EVL: variants seen among roughly 807,000 people sequenced by gnomAD.
EVL encodes the protein ena/VASP-like protein.
In EVL, 21 loss-of-function variants were observed where a neutral mutation model predicts 59.6. The observed-to-expected ratio is 0.35, with a 90% CI of 0.25 to 0.51. The LOEUF is 0.51. Ranked by LOEUF, EVL falls within the 20% of genes least tolerant of loss-of-function variation. The pLI is 0.97. For synonymous variants in EVL, 198 were observed against 203.5 expected, an observed-to-expected ratio of 0.97 and a Z score of 0.23; for missense variants, 462 against 546.6, an observed-to-expected ratio of 0.85 and a Z score of 1.54.
At chr14:100,089,621 G>C (rs1403758989) in intron 2 of EVL, among the ~76,000 whole-genome samples, 1 of 152,222 alleles carries the variant, frequency 6.6e-6, no homozygotes, top group Non-Finnish European at 1.5e-5. Context: ...GTGGGACGCA[G>C]CTAGAACAGT....
intron 1 of EVL, among the ~76,000 whole-genome samples, chr14:100,016,835 G>T (rs912458510): frequency 6.6e-6 from 1 of 152,180 alleles, no homozygotes; most frequent in African/African-American, 2.4e-5. Context: ...TCCTGGAACA[G>T]TTGAGGCACT....
In EVL at chr14:100,134,054, G is replaced by A. The variant is rs753527986; in HGVS notation, c.900+1275G>A. ...CTCCCGAGGCCCTCTGCACAGGCAC[G>A]ACTGCTTGTGGAGACTCGTTGTCTC... On this transcript the variant is annotated intron_variant, in intron 8 of 13. Transcript: ENST00000392920. 3.9e-5 allele frequency among the ~76,000 whole-genome samples: 6 copies of A among 152,198 alleles called. No individual in the cohort carries two copies. In the East Asian group the frequency reaches 5.8e-4, roughly 15 times the overall value.
chr14:100,097,604 A>G lies in EVL; in HGVS notation c.304A>G (p.Thr102Ala), dbSNP rs778850212. ...CTTTGCAAGTAAAGAAGAGGCAACC[A>G]CGTTCTCCAATGCAATGCTGTTTGC... The part of the protein sequence containing the change: ...LNFASKEEAT[T>A]FSNAMLFALN... The change falls in exon 3 of 14, where the codon ACG becomes GCG. Residue 102 changes from threonine (T) to alanine (A), a missense_variant. Thr to Ala is a moderately conservative substitution (Grantham distance 58, BLOSUM62 0). Coordinates refer to ENST00000392920, the MANE Select transcript of EVL (RefSeq NM_016337.3). 4 of 1,614,132 alleles carry G rather than the reference A, an allele frequency of 2.5e-6. No homozygotes were observed. Among genetic ancestry groups the G allele is most frequent in the East Asian group, 2.2e-5 (1 of 44,880 alleles).
intron 1 of EVL, among the ~76,000 whole-genome samples, chr14:100,051,483 G>T (rs1429764706): frequency 6.6e-6 from 1 of 152,180 alleles, no homozygotes; most frequent in Non-Finnish European, 1.5e-5. Context: ...AATTCTATTT[G>T]TCTGATATTA....
chr14:100,124,471 G>A (rs1414155194), intron 4 of EVL, among the ~76,000 whole-genome samples: 3 of 152,180 alleles, frequency 2.0e-5, no homozygotes, highest in African/African-American at 4.8e-5. Context: ...TCCGTTTCCC[G>A]GTTTGAAGAT....
intron 3 of EVL, among the ~76,000 whole-genome samples, chr14:100,115,472 G>A (rs61984551): frequency 0.027 from 4,046 of 152,332 alleles, 80 homozygotes; most frequent in Non-Finnish European, 0.04. Flanking sequence ...ATGACTGCAA[G>A]GGCTGGGTGC....
intron 4 of EVL, 72 bp from the exon 5 acceptor site, chr14:100,126,635 A>C: frequency 6.5e-7 from 1 of 1,533,786 alleles, no homozygotes; most frequent in Non-Finnish European, 9.0e-7. Flanking sequence ...GCCGGCGGGT[A>C]CAGCACAGGC....
chr14:100,000,095 C>T (rs1595553670), intron 1 of EVL, among the ~76,000 whole-genome samples: 1 of 152,184 alleles, frequency 6.6e-6, no homozygotes, highest in South Asian at 2.1e-4. Context: ...AGATAGGTCT[C>T]AGTTAATTTA....
chr14:100,123,928 C>T (rs566921198), intron 4 of EVL, among the ~76,000 whole-genome samples: 66 of 152,334 alleles, frequency 4.3e-4, no homozygotes, highest in African/African-American at 5.8e-4. Context: ...CCTTCCCCAA[C>T]GTAGCAGGAG....
At chr14:100,005,415 T>C (rs1273958349) in intron 1 of EVL, among the ~76,000 whole-genome samples, 1 of 152,214 alleles carries the variant, frequency 6.6e-6, no homozygotes, top group Non-Finnish European at 1.5e-5. Context: ...GCTGGGTTTA[T>C]AGTTTTGTAA....
chr14:100,071,884 T>A (rs1168408949), intron 1 of EVL, among the ~76,000 whole-genome samples: 2 of 152,160 alleles, frequency 1.3e-5, no homozygotes, highest in African/African-American at 4.8e-5. Context: ...CCTGAAGTAC[T>A]TCACAATAAA....
Position 100,143,868 on chromosome 14 carries a change from C to A in EVL, c.*130C>A. On this transcript the variant is annotated 3_prime_UTR_variant, in exon 14 of 14. Coordinates refer to ENST00000392920, the MANE Select transcript of EVL (RefSeq NM_016337.3). ...CCTGGGCGCGCTGCTGTGAAACGTC[C>A]TGACCTGTGATCACACATGACAGTG... The A allele has an allele frequency of 9.0e-7, 1 of 1,110,640 alleles. No homozygotes were observed. 68.8% of individuals were successfully genotyped at this position (1,110,640 alleles called of 1,614,324 possible).
chr14:99,982,273 T>G (rs2060812089), intron 1 of EVL, among the ~76,000 whole-genome samples: 1 of 152,196 alleles, frequency 6.6e-6, no homozygotes, highest in South Asian at 2.1e-4. Context: ...TTACTAAATA[T>G]TCTTTGAAAA....
chr14:100,015,296 G>A (rs1260800008), intron 1 of EVL, among the ~76,000 whole-genome samples: 2 of 152,204 alleles, frequency 1.3e-5, no homozygotes, highest in Non-Finnish European at 2.9e-5. Context: ...CAAAACGAAG[G>A]TACCGGTTAA....
At chr14:100,010,826 A>C (rs1171390850) in intron 1 of EVL, among the ~76,000 whole-genome samples, 1 of 152,226 alleles carries the variant, frequency 6.6e-6, no homozygotes, top group Non-Finnish European at 1.5e-5. Flanking sequence ...TAATTATGGC[A>C]ACTGCCTCAG....
chr14:100,026,774 T>C (rs767884710), intron 1 of EVL, among the ~76,000 whole-genome samples: 2 of 152,238 alleles, frequency 1.3e-5, no homozygotes, highest in African/African-American at 4.8e-5. Flanking sequence ...GCTGACAGCA[T>C]ACTCTCAGCT....
upstream of EVL, among the ~76,000 whole-genome samples, chr14:100,061,460 CAAAA>C (rs869039779): frequency 1.4e-4 from 9 of 64,538 alleles, no homozygotes; most frequent in African/African-American, 4.6e-4. Flanking sequence ...CCTCAGGCTG[CAAAA>C]AAAAAAAAAA....
chr14:100,030,575 G>A (rs1438386548), intron 1 of EVL, among the ~76,000 whole-genome samples: 1 of 152,170 alleles, frequency 6.6e-6, no homozygotes, highest in African/African-American at 2.4e-5. Flanking sequence ...CTCCCTGAGC[G>A]TTCAGACTCA....
intron 2 of EVL, among the ~76,000 whole-genome samples, chr14:100,089,676 T>C (rs991262096): frequency 1.3e-5 from 2 of 152,236 alleles, no homozygotes; most frequent in African/African-American, 4.8e-5. Context: ...ATCCCGGCAT[T>C]TTGGGAGGCC....
Sources: gnomAD v4.1 joint callset for allele counts (sites outside exome capture counted in the v4.1 genomes callset) on GRCh38, gnomAD v4.1.1 for gene constraint, MANE v1.5 for transcripts, NCBI Gene and HGNC (gene_info 2026-07-23, HGNC 2026-07-21) for gene names.